The following SMARCAL1 variants were observed in gnomAD, a reference collection of about 807,000 sequenced individuals.
The protein encoded by SMARCAL1 is SNF2 related chromatin remodeling annealing helicase 1.
A neutral mutation model predicts 94.5 loss-of-function variants in SMARCAL1; 58 were observed. The observed-to-expected ratio is 0.61, with a 90% confidence interval of 0.50 to 0.76. The LOEUF is 0.76. Ranked by LOEUF, SMARCAL1 falls within the 30% of genes least tolerant of loss-of-function variation. The pLI is 0.00. For missense variants in SMARCAL1, 1,051 were observed against 1,177.9 expected (o/e 0.89, Z 1.58); for synonymous variants, 422 against 455.1 (o/e 0.93, Z 0.93).
At chr2:216,433,370 G>A (rs2106034281) in intron 8 of SMARCAL1, among the ~76,000 whole-genome samples, 1 of 152,144 alleles carries the variant, frequency 6.6e-6, no homozygotes, top group South Asian at 2.1e-4. Flanking sequence ...AGGAGCCACT[G>A]TGCCCGGCCC....
chr2:216,416,322 G>A lies in SMARCAL1; in HGVS notation c.862+15G>A. On this transcript the variant is annotated intron_variant, in intron 4 of 17. Transcript: ENST00000357276. ...TAGTGCCCTGAGTAAGTAGACACAT[G>A]GTTGTCTCATGGAGGGTGGCACTGG... The A allele has an allele frequency of 1.2e-6, 2 of 1,606,688 alleles. No homozygotes were observed. The highest frequency in any genetic ancestry group is 1.7e-6 in the Non-Finnish European group (2 of 1,173,496).
chr2:216,444,558 G>A (rs1385234432), intron 10 of SMARCAL1, among the ~76,000 whole-genome samples: 1 of 152,022 alleles, frequency 6.6e-6, no homozygotes, highest in East Asian at 1.9e-4. Flanking sequence ...TTGTCACCCA[G>A]GCTGGAGTGC....
intron 17 of SMARCAL1, among the ~76,000 whole-genome samples, chr2:216,478,690 T>C (rs1286036669): frequency 1.3e-5 from 2 of 152,210 alleles, no homozygotes. Flanking sequence ...ACTGGCTTCA[T>C]AGAATATATT....
At chr2:216,467,632 G>A (rs1186598523) in intron 13 of SMARCAL1, among the ~76,000 whole-genome samples, 1 of 152,088 alleles carries the variant, frequency 6.6e-6, no homozygotes, top group Non-Finnish European at 1.5e-5. Flanking sequence ...TGTCATTTGA[G>A]GTCTAAAGTG....
At position 216,467,199 on chromosome 2, in the gene SMARCAL1, G is replaced by A. The variant is rs534429759; in HGVS notation, c.2142-745G>A. On this transcript the variant is annotated intron_variant, in intron 13 of 17. Transcript: ENST00000357276. ...AAGAGGTGGGAAGCTTGCCGGGTGC[G>A]GTGGCTCACGCCTGTAATCTCAGCA... Among the ~76,000 whole-genome samples the A allele has an allele frequency of 5.9e-5, 9 of 152,212 alleles. No individual in the cohort carries two copies. In the South Asian group the frequency reaches 1.0e-3, roughly 18 times the overall value.
chr2:216,477,526 C>T (rs1695112456), intron 16 of SMARCAL1, among the ~76,000 whole-genome samples: 1 of 152,178 alleles, frequency 6.6e-6, no homozygotes, highest in African/African-American at 2.4e-5. Context: ...GTAAAACACC[C>T]TGTTCCCAGC....
chr2:216,457,719 C>T (rs1262373732), intron 12 of SMARCAL1, among the ~76,000 whole-genome samples: 1 of 152,056 alleles, frequency 6.6e-6, no homozygotes, highest in African/African-American at 2.4e-5. Context: ...GCACTAAATG[C>T]CCACAAGAGA....
chr2:216,445,546 A>G (rs1694292574), intron 10 of SMARCAL1, among the ~76,000 whole-genome samples: 1 of 152,226 alleles, frequency 6.6e-6, no homozygotes, highest in African/African-American at 2.4e-5. Flanking sequence ...AGGCCAGCAC[A>G]GTGACATGAA....
intron 5 of SMARCAL1, among the ~76,000 whole-genome samples, chr2:216,423,247 T>A (rs1339703975): frequency 6.6e-6 from 1 of 152,310 alleles, no homozygotes; most frequent in East Asian, 1.9e-4. Flanking sequence ...GAGGGGCAGA[T>A]GAGAGGGTGC....
Position 216,438,356 on chromosome 2 carries a change from G to T in SMARCAL1, c.1645-64G>T. On this transcript the variant is annotated intron_variant, in intron 9 of 17. Coordinates refer to ENST00000357276, the MANE Select transcript of SMARCAL1 (RefSeq NM_014140.4). The stretch of plus-strand genomic sequence containing the variant: ...TTGCCATGCCAGGGTCAAGCCTAAA[G>T]TGACCCATATTTCTGTCCACTCAGG... The T allele has an allele frequency of 4.3e-6, 6 of 1,400,864 alleles. No homozygotes were observed. In the South Asian group the frequency reaches 7.0e-5, roughly 16 times the overall value. 86.8% of individuals were successfully genotyped at this position (1,400,864 alleles called of 1,614,324 possible).
rs1693548677 is a variant in SMARCAL1, at chr2:216,414,741, A to G, written c.37A>G (p.Ile13Val). 1.2e-6 allele frequency: 2 copies of G among 1,614,128 alleles called. No homozygotes were observed. Among genetic ancestry groups the G allele is most frequent in the Non-Finnish European group, 1.7e-6 (2 of 1,180,056 alleles). ...LPLTEEQRKK[I>V]EENRQKALAR... ...TCTTACAGAGGAGCAGAGGAAAAAG[A>G]TTGAAGAGAATCGACAAAAGGCTCT... is the stretch of plus-strand genomic sequence containing the variant. Residue 13 changes from isoleucine (I) to valine (V), a missense_variant, in exon 3 of 18, where the codon ATT becomes GTT. Coordinates refer to ENST00000357276, the MANE Select transcript of SMARCAL1 (RefSeq NM_014140.4).
intron 7 of SMARCAL1, among the ~76,000 whole-genome samples, chr2:216,429,620 A>T (rs943034848): frequency 6.6e-6 from 1 of 152,204 alleles, no homozygotes; most frequent in African/African-American, 2.4e-5. Context: ...GTAGTTGAAC[A>T]TAGAGCCCTG....
At chr2:216,416,170 C>T (rs1275996048) in intron 3 of SMARCAL1, 87 bp from the exon 4 acceptor site, 1 of 1,144,588 alleles carries the variant, frequency 8.7e-7, no homozygotes, top group Non-Finnish European at 1.3e-6. Context: ...AACTTGGCGT[C>T]CTTCATTCAT....
At chr2:216,458,881 G>A (rs577635524) in intron 12 of SMARCAL1, among the ~76,000 whole-genome samples, 286 of 152,264 alleles carry the variant, frequency 1.9e-3, no homozygotes, top group Middle Eastern at 3.4e-3. Context: ...TAGGAAAAGA[G>A]GAAGTCAAAT....
intron 3 of SMARCAL1, 31 bp from the exon 4 acceptor site, chr2:216,416,226 C>G (rs1693597883): frequency 6.2e-7 from 1 of 1,604,972 alleles, no homozygotes; most frequent in South Asian, 1.1e-5. Context: ...TACAAATTGT[C>G]AACAGTCATC....
chr2:216,444,534 A>T (rs1190389303), intron 10 of SMARCAL1, among the ~76,000 whole-genome samples: 1 of 152,120 alleles, frequency 6.6e-6, no homozygotes, highest in Non-Finnish European at 1.5e-5. Context: ...TTTTTTTGAG[A>T]CAGAGTTTCA....
chr2:216,470,586 C>G (rs1694943026), intron 14 of SMARCAL1, among the ~76,000 whole-genome samples: 1 of 151,492 alleles, frequency 6.6e-6, no homozygotes, highest in Non-Finnish European at 1.5e-5. Flanking sequence ...CTCCTAGGCT[C>G]AAGTGATCCT....
At position 216,464,688 on chromosome 2, in the gene SMARCAL1, G is replaced by A. The variant is rs533117211; in HGVS notation, c.2141+21G>A. Reference sequence around the variant, plus strand: ...GTCATGTAAGTGGTCACTAAGTGTCGACCTCTCTCTCTCTCATCTTCAAAA... The same window carrying A: ...GTCATGTAAGTGGTCACTAAGTGTCAACCTCTCTCTCTCTCATCTTCAAAA... On this transcript the variant is annotated intron_variant, in intron 13 of 17. Transcript: ENST00000357276. 74 of 1,501,992 alleles carry A rather than the reference G, an allele frequency of 4.9e-5. 1 individual carries two copies. Among genetic ancestry groups the A allele is most frequent in the Admixed American group, 1.0e-4 (6 of 59,420 alleles). The allele number at this position is 1,501,992 out of a possible 1,614,324, so 93.0% of individuals were successfully genotyped here. A position where few individuals can be genotyped will look rare whatever the true frequency, so the allele number is the denominator to read the frequency against.
At chr2:216,415,951 C>G (rs1285881356) in intron 3 of SMARCAL1, 3 of 425,966 alleles carry the variant, frequency 7.0e-6, no homozygotes, top group Non-Finnish European at 1.3e-5. Flanking sequence ...AGCCATTACT[C>G]CTCATACTGC....
Sources: allele counts gnomAD v4.1 joint callset (sites outside exome capture counted in the v4.1 genomes callset), GRCh38; gene constraint gnomAD v4.1.1; transcripts MANE v1.5; gene names NCBI Gene and HGNC (gene_info 2026-07-23, HGNC 2026-07-21).